NUTM2D: variants seen among roughly 807,000 people sequenced by gnomAD.
NUTM2D encodes the protein NUT family member 2A pseudogene.
Under a neutral mutation model 43.5 loss-of-function variants are expected in NUTM2D, and 2 were observed. That is an observed-to-expected ratio of 0.05 (90% CI 0.02 to 0.14). The LOEUF is 0.14. Ranked by LOEUF, NUTM2D falls within the 10% of genes least tolerant of loss-of-function variation. NUTM2D has a pLI of 1.00. For synonymous variants in NUTM2D, 24 were observed against 276.6 expected, an observed-to-expected ratio of 0.09 and a Z score of 9.06; for missense variants, 48 against 668.7, an observed-to-expected ratio of 0.07 and a Z score of 10.24.
intron 1 of NUTM2D, among the ~76,000 whole-genome samples, chr10:87,360,147 G>A (rs1252676843): frequency 3.7e-5 from 4 of 107,508 alleles, no homozygotes; most frequent in East Asian, 2.7e-4. Flanking sequence ...CCACCAAGCC[G>A]CTGAGAGACT....
At position 87,360,073 on chromosome 10, in the gene NUTM2D, G is replaced by A. The variant is rs1233034877; in HGVS notation, c.167-408G>A. Among the ~76,000 whole-genome samples, 3 of 112,312 alleles carry A rather than the reference G, an allele frequency of 2.7e-5. No individual in the cohort carries two copies. The South Asian group carries it at 1.1e-3, about 42-fold the overall frequency. The allele number at this position is 112,312 out of a possible 152,430, so 73.7% of individuals were successfully genotyped here. On this transcript the variant is annotated intron_variant, in intron 1 of 6. Transcript: ENST00000381697. The stretch of plus-strand genomic sequence containing the variant: ...TTCGGAAGCTTCTGGCTTCCTGTCG[G>A]CCTTCTGAGTGCCGAGCACTGCCCT...
downstream of NUTM2D, chr10:87,370,605 T>C (rs2131733496): frequency 6.6e-6 from 1 of 152,340 alleles, no homozygotes; most frequent in East Asian, 1.9e-4. Flanking sequence ...GAGCAATGTG[T>C]ACTCAACATT....
At chr10:87,370,435 C>T (rs1850343890), downstream of NUTM2D, 1 of 152,206 alleles carries the variant, frequency 6.6e-6, no homozygotes, top group African/African-American at 2.4e-5. Flanking sequence ...GTGAGGGTCC[C>T]AGCGTCTCTC....
rs768524594 is a variant in NUTM2D, at chr10:87,365,210, T to TG, written c.1518+9dup. 3.2e-4 allele frequency: 470 copies of TG among 1,478,004 alleles called. 1 individual carries two copies. The highest frequency in any genetic ancestry group is 6.9e-4 in the Admixed American group (31 of 44,856). 91.6% of individuals were successfully genotyped at this position (1,478,004 alleles called of 1,614,324 possible). ...GAAAGACTTCGTCACCAAGGTGGGCTGGCCTGGAGTGCTGGGGTCTGCTGG... is the reference window on the plus strand; with the variant it reads ...GAAAGACTTCGTCACCAAGGTGGGCTGGGCCTGGAGTGCTGGGGTCTGCTGG... On this transcript the variant is annotated splice_region_variant and intron_variant, in intron 5 of 6. Transcript: ENST00000381697.
At chr10:87,369,991 C>T (rs1366900778), downstream of NUTM2D, 1 of 152,090 alleles carries the variant, frequency 6.6e-6, no homozygotes. Context: ...ATCCAGGTGG[C>T]TGCCCTTTTG....
At position 87,361,777 on chromosome 10, in the gene NUTM2D, G is replaced by T. The variant is rs565206540; in HGVS notation, c.866+597G>T. ...GATGCTTCATTCAGAGGATGGTGAA[G>T]AGATAACTTGAGCTCACATATGACA... On this transcript the variant is annotated intron_variant, in intron 2 of 6. Transcript: ENST00000381697. Among the ~76,000 whole-genome samples, 301 of 55,340 alleles carry T rather than the reference G, an allele frequency of 5.4e-3. 130 individuals carry two copies. The highest frequency in any genetic ancestry group is 0.017 in the African/African-American group (297 of 17,330). 36.3% of individuals were successfully genotyped at this position (55,340 alleles called of 152,430 possible). A position where few individuals can be genotyped will look rare whatever the true frequency, so the allele number is the denominator to read the frequency against.
At chr10:87,367,423 G>A (rs772233854), downstream of NUTM2D, 2 of 1,584,562 alleles carry the variant, frequency 1.3e-6, no homozygotes, top group South Asian at 2.2e-5. Context: ...GCCTGCTTTA[G>A]GGAGGCTTCT....
Position 87,358,305 on chromosome 10 carries a change from C to A in NUTM2D, c.40C>A (p.Gln14Lys), listed in dbSNP as rs1850235476. The A allele has an allele frequency of 6.2e-7, 1 of 1,613,180 alleles. No homozygotes were observed. Among genetic ancestry groups the A allele is most frequent in the African/African-American group, 1.3e-5 (1 of 74,924 alleles). Residue 14 changes from glutamine (Q) to lysine (K), a missense_variant, in exon 1 of 7, where the codon CAG becomes AAG. By Grantham distance (53) the Gln-to-Lys change is moderately conservative. Transcript: ENST00000381697. ...TGTTTACTTTCAAATTTTCCTGTTTCAGTTGGACTCAGGAGCATCTGGTGA... is the reference window on the plus strand; with the variant it reads ...TGTTTACTTTCAAATTTTCCTGTTTAAGTTGGACTCAGGAGCATCTGGTGA... ...EPVYFQIFLF[Q>K]LDSGASGEPG...
At chr10:87,365,252 C>T in intron 5 of NUTM2D, 49 bp downstream of exon 5, 2 of 1,514,928 alleles carry the variant, frequency 1.3e-6, no homozygotes, top group Non-Finnish European at 8.8e-7. Context: ...GGGGGTGGCA[C>T]TCCCAGGTCC....
chr10:87,361,271 T>C, intron 2 of NUTM2D, 91 bp downstream of exon 2: 3 of 520,668 alleles, frequency 5.8e-6, no homozygotes, highest in South Asian at 4.4e-5. Context: ...TCAGGGGAGC[T>C]TGCAGGGCGG....
At chr10:87,370,212 C>T (rs1245511239), downstream of NUTM2D, 2 of 152,082 alleles carry the variant, frequency 1.3e-5, no homozygotes, top group Non-Finnish European at 2.9e-5. Context: ...CAGTTAAGAA[C>T]GTTTGGGTTT....
downstream of NUTM2D, chr10:87,367,259 G>A (rs1330380396): frequency 9.2e-6 from 14 of 1,520,292 alleles, no homozygotes; most frequent in African/African-American, 2.8e-5. Context: ...GTCTGTGAGG[G>A]AGGGCAGAGG....
Position 87,364,870 on chromosome 10 carries a change from A to G in NUTM2D, c.1185A>G (p.Pro395=). 4.4e-6 allele frequency: 3 copies of G among 675,734 alleles called. No individual in the cohort carries two copies. Among genetic ancestry groups the G allele is most frequent in the Non-Finnish European group, 4.3e-6 (2 of 460,916 alleles). 41.9% of individuals were successfully genotyped at this position (675,734 alleles called of 1,614,324 possible). ...AGPKAPTACL[P]PPRPQRPVTK... ...CCAAGGCCCCGACTGCCTGCCTGCC[A>G]CCACCCAGGCCCCAGAGGCCAGTGA... is the stretch of plus-strand genomic sequence containing the variant. Residue 395 remains proline, a synonymous_variant, in exon 5 of 7, where the codon CCA becomes CCG. Transcript: ENST00000381697.
rs1850290851 is a variant in NUTM2D at position 87,365,823 on chromosome 10, G to GGGACCTGGC, written c.1635+19_1635+27dup. The stretch of plus-strand genomic sequence containing the variant: ...TTGCCCAGGTACCCCAGGGGCAGGA[G>GGGACCTGGC]GGACCTGGCACACAAGGCCCACCTG... On this transcript the variant is annotated intron_variant, in intron 6 of 6. Transcript: ENST00000381697. The GGGACCTGGC allele has an allele frequency of 1.0e-6, 1 of 953,484 alleles. No homozygotes were observed. The highest frequency in any genetic ancestry group is 1.7e-5 in the African/African-American group (1 of 57,176). 59.1% of individuals were successfully genotyped at this position (953,484 alleles called of 1,614,324 possible).
At chr10:87,367,424 G>A (rs780268643), downstream of NUTM2D, 4 of 1,584,796 alleles carry the variant, frequency 2.5e-6, no homozygotes, top group East Asian at 2.2e-5. Flanking sequence ...CCTGCTTTAG[G>A]GAGGCTTCTT....
downstream of NUTM2D, chr10:87,369,515 A>T (rs986303741): frequency 3.0e-4 from 45 of 151,840 alleles, no homozygotes; most frequent in Admixed American, 2.4e-3. Flanking sequence ...CCATAATCTC[A>T]AGAACTTCCT....
chr10:87,369,371 C>T (rs1850332929), downstream of NUTM2D: 1 of 151,934 alleles, frequency 6.6e-6, no homozygotes, highest in South Asian at 2.1e-4. Context: ...TCACCAGAAC[C>T]TTGCCCACTG....
chr10:87,369,806 T>G (rs1423988967), downstream of NUTM2D: 1 of 151,390 alleles, frequency 6.6e-6, no homozygotes, highest in Non-Finnish European at 1.5e-5. Flanking sequence ...TGGGAACCAG[T>G]GCGGCTGGGG....
intron 5 of NUTM2D, 89 bp downstream of exon 5, chr10:87,365,292 C>A: frequency 6.4e-7 from 1 of 1,567,082 alleles, no homozygotes; most frequent in Non-Finnish European, 8.6e-7. Context: ...CTTAGCTACT[C>A]AGCAGTGTGT....
Sources: allele counts gnomAD v4.1 joint callset (sites outside exome capture counted in the v4.1 genomes callset), GRCh38; gene constraint gnomAD v4.1.1; transcripts MANE v1.5; gene names NCBI Gene and HGNC (gene_info 2026-07-23, HGNC 2026-07-21).